WDR93: variants seen among roughly 807,000 people sequenced by gnomAD.
The protein encoded by WDR93 is WD repeat domain 93.
WDR93 carries 73 observed loss-of-function variants against 82.9 expected under a neutral mutation model. The ratio of observed to expected loss-of-function variants is 0.88; its 90% CI spans 0.73 to 1.07. WDR93 has a LOEUF of 1.07. WDR93 is among the 50% of genes least tolerant of loss of function. WDR93 has a pLI of 0.00. For missense variants in WDR93, 738 were observed against 826.0 expected, an observed-to-expected ratio of 0.89 and a Z score of 1.31; for synonymous variants, 283 against 300.1, an observed-to-expected ratio of 0.94 and a Z score of 0.59.
intron 1 of WDR93, among the ~76,000 whole-genome samples, chr15:89,697,625 C>T (rs764744738): frequency 1.3e-5 from 2 of 152,022 alleles, no homozygotes; most frequent in Non-Finnish European, 2.9e-5. Context: ...TTGGGTAGAG[C>T]GTTCTGTAAC....
At chr15:89,727,458 GC>G (rs1966783521) in intron 9 of WDR93, 130 bp downstream of exon 9, 2 of 1,047,378 alleles carry the variant, frequency 1.9e-6, no homozygotes, top group Admixed American at 2.8e-5. Flanking sequence ...CGGGACAGTG[GC>G]CCACATCTGT....
chr15:89,692,538 T>A (rs1330663927), intron 1 of WDR93, among the ~76,000 whole-genome samples: 1 of 152,184 alleles, frequency 6.6e-6, no homozygotes, highest in Non-Finnish European at 1.5e-5. Context: ...AACTGATAAG[T>A]ACAACACAGA....
chr15:89,717,220 C>T (rs114681264), intron 7 of WDR93, among the ~76,000 whole-genome samples: 1,783 of 151,552 alleles, frequency 0.012, 32 homozygotes, highest in African/African-American at 0.04. Flanking sequence ...CTACCACGCC[C>T]GGCTAATATT....
intron 5 of WDR93, 84 bp from the exon 6 acceptor site, chr15:89,714,896 T>G: frequency 8.4e-7 from 1 of 1,186,248 alleles, no homozygotes; most frequent in Non-Finnish European, 1.2e-6. Context: ...TGCCAGCAGT[T>G]CTAAGAAGAA....
In WDR93 at chr15:89,709,872, T is replaced by A. The variant is rs540882629; in HGVS notation, c.562-2154T>A. On this transcript the variant is annotated intron_variant, in intron 4 of 16. Coordinates refer to ENST00000268130, the MANE Select transcript of WDR93 (RefSeq NM_020212.2). ...GCTGTATTTGTAATAAAAAAAAAAA[T>A]AATCAAGGCCGGGTACAGTGGCTCC... Among the ~76,000 whole-genome samples, 484 of 143,144 alleles carry A rather than the reference T, an allele frequency of 3.4e-3. 2 individuals are homozygous for A. The highest frequency in any genetic ancestry group is 0.011 in the African/African-American group (428 of 38,822). 93.9% of individuals were successfully genotyped at this position (143,144 alleles called of 152,430 possible).
rs115126225 is a variant in WDR93 at position 89,742,441 on chromosome 15, C to T, written c.1962-851C>T. On this transcript the variant is annotated intron_variant, in intron 16 of 16. Transcript: ENST00000268130. ...CCCCCCCTCCACCCTGCTAAGCGTG[C>T]CCGTCTCTGTGTGCACTCTGAGGGG... 5.4e-3 allele frequency among the ~76,000 whole-genome samples: 829 copies of T among 152,260 alleles called. 8 individuals carry two copies. Among genetic ancestry groups the T allele is most frequent in the African/African-American group, 0.019 (780 of 41,548 alleles).
At chr15:89,723,115 C>T (rs1297280560) in intron 8 of WDR93, among the ~76,000 whole-genome samples, 3 of 151,868 alleles carry the variant, frequency 2.0e-5, no homozygotes, top group East Asian at 3.9e-4. Flanking sequence ...GCAGTAGAAT[C>T]GCTTGAGCCC....
At chr15:89,717,586 A>C (rs1261902399) in intron 7 of WDR93, among the ~76,000 whole-genome samples, 2 of 152,160 alleles carry the variant, frequency 1.3e-5, no homozygotes, top group Non-Finnish European at 2.9e-5. Flanking sequence ...GGGCCCCTGG[A>C]AGGGGCCCTA....
Position 89,701,855 on chromosome 15 carries a change from G to A in WDR93, c.109G>A (p.Asp37Asn), listed in dbSNP as rs749743648. The change falls in exon 2 of 17, where the codon GAT becomes AAT. Residue 37 changes from aspartate to asparagine, a missense_variant. Physicochemically the swap from Asp to Asn is conservative, Grantham distance 23. Coordinates refer to ENST00000268130, the MANE Select transcript of WDR93 (RefSeq NM_020212.2). Reference protein sequence around the residue: ...PPTEKDWPKDDEQDHVLVDPD... With the variant: ...PPTEKDWPKDNEQDHVLVDPD... ...AACAGAGAAGGACTGGCCTAAAGAC[G>A]ATGAACAGGATCATGTCCTCGTGGA... is the stretch of plus-strand genomic sequence containing the variant. The A allele has an allele frequency of 4.3e-6, 7 of 1,614,058 alleles. No homozygotes were observed. Among genetic ancestry groups the A allele is most frequent in the African/African-American group, 2.7e-5 (2 of 74,918 alleles).
Position 89,729,787 on chromosome 15 carries a change from T to C in WDR93, c.1210+18T>C, listed in dbSNP as rs752087566. On this transcript the variant is annotated intron_variant, in intron 11 of 16. Coordinates refer to ENST00000268130, the MANE Select transcript of WDR93 (RefSeq NM_020212.2). ...TAAAGCTGGTACTTTACTGCTGAGA[T>C]GGGAGTCGCCTAAGCTCAGGACTTG... is the stretch of plus-strand genomic sequence containing the variant. 5 of 1,604,720 alleles carry C rather than the reference T, an allele frequency of 3.1e-6. No homozygotes were observed. The highest frequency in any genetic ancestry group is 3.4e-6 in the Non-Finnish European group (4 of 1,172,096).
chr15:89,698,016 A>C (rs1031303589), intron 1 of WDR93, among the ~76,000 whole-genome samples: 1 of 151,088 alleles, frequency 6.6e-6, no homozygotes, highest in African/African-American at 2.4e-5. Flanking sequence ...AGTAGCTGGG[A>C]CTACAGGCGC....
chr15:89,737,717 T>C lies in WDR93; in HGVS notation c.1753T>C (p.Phe585Leu), dbSNP rs781304980. Residue 585 changes from phenylalanine (F) to leucine (L), a missense_variant, in exon 15 of 17, where the codon TTC becomes CTC. Coordinates refer to ENST00000268130, the MANE Select transcript of WDR93 (RefSeq NM_020212.2). ...TGCTGTGTCTCCAGACCATCCATGTTTCCTGCTCCGAGGTACAGAAAGGGA... is the reference window on the plus strand; with the variant it reads ...TGCTGTGTCTCCAGACCATCCATGTCTCCTGCTCCGAGGTACAGAAAGGGA... Reference protein sequence around the residue: ...VFAVSPDHPCFLLRGDYSHET... With the variant: ...VFAVSPDHPCLLLRGDYSHET... The C allele has an allele frequency of 5.6e-6, 9 of 1,614,198 alleles. No homozygotes were observed. In the South Asian group the frequency reaches 9.9e-5, roughly 18 times the overall value.
rs779009417 is a variant in WDR93 at position 89,738,069 on chromosome 15, C to T, written c.1794C>T (p.Thr598=). The T allele has an allele frequency of 7.4e-6, 12 of 1,613,010 alleles. No homozygotes were observed. The highest frequency in any genetic ancestry group is 6.7e-5 in the East Asian group (3 of 44,870). The change falls in exon 16 of 17, where the codon ACC becomes ACT. Residue 598 remains threonine, a synonymous_variant. Transcript: ENST00000268130. The part of the protein sequence containing the change: ...RGDYSHETAS[T]DDAGIQYSVF... ...ACTATTCACATGAAACTGCGTCCAC[C>T]GACGATGCTGGAATCCAATATTCTG...
chr15:89,694,593 C>T lies in WDR93; in HGVS notation c.-41+3736C>T, dbSNP rs1202803659. On this transcript the variant is annotated intron_variant, in intron 1 of 16. Transcript: ENST00000268130. The stretch of plus-strand genomic sequence containing the variant: ...TTTAAAAATACTCTGGACAAAAGTA[C>T]TTTATCAGATAAGTGACTTGCACAT... Among the ~76,000 whole-genome samples, 3 of 152,284 alleles carry T rather than the reference C, an allele frequency of 2.0e-5. No individual in the cohort carries two copies. In the East Asian group the frequency reaches 5.8e-4, roughly 29 times the overall value.
At chr15:89,690,521 G>C (rs1964812209), upstream of WDR93, 2 of 1,344,170 alleles carry the variant, frequency 1.5e-6, no homozygotes, top group Non-Finnish European at 2.1e-6. Context: ...AGGGGAATAG[G>C]CACGGGAGCC....
Position 89,737,489 on chromosome 15 carries a change from C to T in WDR93, c.1609-84C>T. On this transcript the variant is annotated intron_variant, in intron 14 of 16. Transcript: ENST00000268130. ...TTTATGTCCAGCTGCTTCTCTCATTCCTTACTGGGGTGACCTCTACACGAC... is the reference window on the plus strand; with the variant it reads ...TTTATGTCCAGCTGCTTCTCTCATTTCTTACTGGGGTGACCTCTACACGAC... 2.6e-6 allele frequency: 4 copies of T among 1,543,900 alleles called. No individual in the cohort carries two copies. In the East Asian group the frequency reaches 6.8e-5, roughly 26 times the overall value.
intron 4 of WDR93, among the ~76,000 whole-genome samples, chr15:89,706,933 A>G (rs1219658023): frequency 6.6e-6 from 1 of 152,224 alleles, no homozygotes; most frequent in African/African-American, 2.4e-5. Flanking sequence ...CCATAAAAGA[A>G]AAGATAAACT....
intron 7 of WDR93, 51 bp from the exon 8 acceptor site, chr15:89,722,004 C>A: frequency 8.2e-7 from 1 of 1,213,574 alleles, no homozygotes; most frequent in Non-Finnish European, 1.2e-6. Context: ...TTTAATTATT[C>A]TATTTCCTCT....
At chr15:89,707,012 T>A (rs1965754993) in intron 4 of WDR93, among the ~76,000 whole-genome samples, 1 of 152,192 alleles carries the variant, frequency 6.6e-6, no homozygotes, top group South Asian at 2.1e-4. Context: ...ACCCATAGAC[T>A]GGGAGAATTC....
Sources: gnomAD v4.1 joint callset for allele counts (sites outside exome capture counted in the v4.1 genomes callset) on GRCh38, gnomAD v4.1.1 for gene constraint, MANE v1.5 for transcripts, NCBI Gene and HGNC (gene_info 2026-07-23, HGNC 2026-07-21) for gene names.